The following DLG2 variants were observed in gnomAD, a reference collection of about 807,000 sequenced individuals.
DLG2 encodes the protein disks large homolog 2.
DLG2 carries 45 observed loss-of-function variants against 132.5 expected under a neutral mutation model. That is an observed-to-expected ratio of 0.34 (90% confidence interval 0.27 to 0.44). DLG2 has a LOEUF of 0.44. DLG2 is among the 20% of genes least tolerant of loss of function. The pLI is 1.00. For missense variants in DLG2, 1,045 were observed against 1,196.9 expected, an observed-to-expected ratio of 0.87 and a Z score of 1.87; for synonymous variants, 424 against 419.6, an observed-to-expected ratio of 1.01 and a Z score of -0.13.
At chr11:83,827,940 A>C (rs935455370) in intron 17 of DLG2, among the ~76,000 whole-genome samples, 2 of 152,192 alleles carry the variant, frequency 1.3e-5, no homozygotes, top group Admixed American at 6.5e-5. Context: ...GAATACATAA[A>C]AGAGAAACTA....
rs555071914 is a variant in DLG2 at position 83,828,927 on chromosome 11, T to G, written c.1722+4687A>C. 3.0e-4 allele frequency among the ~76,000 whole-genome samples: 45 copies of G among 152,244 alleles called. 1 individual carries two copies. Among genetic ancestry groups the G allele is most frequent in the African/African-American group, 9.9e-4 (41 of 41,540 alleles). ...ACATACATATACAATACCTGGCACA[T>G]AGTAAGCCATTAATAACTAAATTAC... On this transcript the variant is annotated intron_variant, in intron 17 of 27. Transcript: ENST00000376104.
chr11:84,733,711 C>A (rs1465030879), intron 6 of DLG2, among the ~76,000 whole-genome samples: 2 of 152,062 alleles, frequency 1.3e-5, no homozygotes, highest in Non-Finnish European at 2.9e-5. Flanking sequence ...AAGTCCTTGC[C>A]CATGCCTATG....
rs551160313 is a variant in DLG2 at position 85,441,002 on chromosome 11, A to G, written c.41-155637T>C. Among the ~76,000 whole-genome samples the G allele has an allele frequency of 1.6e-3, 241 of 152,276 alleles. 1 individual carries two copies. The highest frequency in any genetic ancestry group is 2.6e-3 in the Non-Finnish European group (176 of 67,996). ...TTCAGGAGCATTTTGATATTTGGGC[A>G]TTTTGACACCTCCTAAAAGCAAACA... On this transcript the variant is annotated intron_variant, in intron 3 of 27. Transcript: ENST00000376104.
intron 18 of DLG2, among the ~76,000 whole-genome samples, chr11:83,773,829 A>G (rs991291288): frequency 1.3e-5 from 2 of 152,234 alleles, no homozygotes; most frequent in Non-Finnish European, 2.9e-5. Context: ...GCTGTGAGCA[A>G]GACAGACAAA....
intron 6 of DLG2, among the ~76,000 whole-genome samples, chr11:84,942,098 TCTC>T (rs1439800523): frequency 3.3e-5 from 5 of 152,234 alleles, no homozygotes; most frequent in South Asian, 4.1e-4. Context: ...AGTTGTAATG[TCTC>T]CTTTTTCATT....
chr11:84,364,053 A>G (rs2098667133), intron 7 of DLG2, among the ~76,000 whole-genome samples: 1 of 152,084 alleles, frequency 6.6e-6, no homozygotes, highest in Non-Finnish European at 1.5e-5. Flanking sequence ...GAAGAAAGTC[A>G]TTGGTAGCTT....
chr11:85,087,928 C>A, intron 6 of DLG2, among the ~76,000 whole-genome samples: 1 of 140,744 alleles, frequency 7.1e-6, no homozygotes, highest in South Asian at 2.3e-4. Flanking sequence ...ATTCTTAGTA[C>A]AATAAAAAGA....
intron 6 of DLG2, among the ~76,000 whole-genome samples, chr11:84,574,740 C>A (rs1480901381): frequency 6.6e-6 from 1 of 152,174 alleles, no homozygotes; most frequent in Non-Finnish European, 1.5e-5. Flanking sequence ...GTGCTCTTGG[C>A]ACCTCAATTA....
intron 3 of DLG2, among the ~76,000 whole-genome samples, chr11:85,334,807 T>G (rs1038994361): frequency 6.6e-6 from 1 of 152,172 alleles, no homozygotes; most frequent in African/African-American, 2.4e-5. Context: ...TATGATTTCA[T>G]TTTTATTAAA....
intron 6 of DLG2, among the ~76,000 whole-genome samples, chr11:84,774,413 C>T (rs925703511): frequency 3.3e-5 from 5 of 152,070 alleles, no homozygotes; most frequent in Non-Finnish European, 7.4e-5. Flanking sequence ...AAACGACCAA[C>T]ATTCTTTTTC....
intron 6 of DLG2, among the ~76,000 whole-genome samples, chr11:85,098,337 C>G (rs182926730): frequency 2.0e-5 from 3 of 152,274 alleles, no homozygotes; most frequent in Admixed American, 2.0e-4. Context: ...CAGTTTCTTT[C>G]CAGATTCTGC....
chr11:84,815,646 T>G (rs2077011443), intron 6 of DLG2, among the ~76,000 whole-genome samples: 1 of 152,056 alleles, frequency 6.6e-6, no homozygotes, highest in Non-Finnish European at 1.5e-5. Context: ...AGAAGAAAAT[T>G]ACTTGAAAAT....
chr11:84,049,618 A>G (rs2096315565), intron 11 of DLG2, among the ~76,000 whole-genome samples: 1 of 151,812 alleles, frequency 6.6e-6, no homozygotes, highest in South Asian at 2.1e-4. Flanking sequence ...CCTTTTAAGT[A>G]TCACTTAATG....
intron 4 of DLG2, among the ~76,000 whole-genome samples, chr11:85,201,526 T>C (rs1397607028): frequency 6.6e-6 from 1 of 152,164 alleles, no homozygotes; most frequent in Non-Finnish European, 1.5e-5. Context: ...GCAAGACACA[T>C]GGCTTGGGTG....
At chr11:84,202,154 T>G (rs1348034563) in intron 8 of DLG2, among the ~76,000 whole-genome samples, 1 of 151,678 alleles carries the variant, frequency 6.6e-6, no homozygotes, top group Non-Finnish European at 1.5e-5. Flanking sequence ...AGAGCCCAAA[T>G]AGCCAAGACA....
intron 6 of DLG2, among the ~76,000 whole-genome samples, chr11:84,862,817 C>CGG (rs71036447): frequency 0.017 from 799 of 46,076 alleles, 36 homozygotes; most frequent in South Asian, 0.027. Flanking sequence ...CAGGTCCTGT[C>CGG]GGGGGGGGGG....
chr11:84,990,281 C>T (rs1049133899), intron 6 of DLG2, among the ~76,000 whole-genome samples: 5 of 152,204 alleles, frequency 3.3e-5, no homozygotes, highest in Non-Finnish European at 5.9e-5. Context: ...TTGTAGCCCT[C>T]TTAAATTCAT....
At chr11:84,098,887 T>C in intron 10 of DLG2, 36 bp downstream of exon 10, 1 of 1,604,936 alleles carries the variant, frequency 6.2e-7, no homozygotes, top group South Asian at 1.1e-5. Flanking sequence ...GCAGCAGATT[T>C]ACTTTCAAAA....
chr11:83,734,661 G>A (rs944924219), intron 18 of DLG2, among the ~76,000 whole-genome samples: 4 of 152,058 alleles, frequency 2.6e-5, no homozygotes, highest in Non-Finnish European at 4.4e-5. Context: ...ACGTTGGCTA[G>A]GCTCATCTTG....
Sources: gnomAD v4.1 joint callset for allele counts (sites outside exome capture counted in the v4.1 genomes callset) on GRCh38, gnomAD v4.1.1 for gene constraint, MANE v1.5 for transcripts, NCBI Gene and HGNC (gene_info 2026-07-23, HGNC 2026-07-21) for gene names.